SLC12A7: variants seen among roughly 807,000 people sequenced by gnomAD.
SLC12A7 encodes solute carrier family 12 member 7.
SLC12A7 carries 100 observed loss-of-function variants against 120.6 expected under a neutral mutation model. The ratio of observed to expected loss-of-function variants is 0.83; its 90% CI spans 0.71 to 0.98. The LOEUF (loss-of-function observed/expected upper bound fraction) is 0.98. SLC12A7 is among the 50% of genes least tolerant of loss of function. SLC12A7 has a pLI of 0.00. For missense variants in SLC12A7, 1,373 were observed against 1,548.1 expected (o/e 0.89, Z 1.90); for synonymous variants, 760 against 678.0 (o/e 1.12, Z -1.88).
At chr5:1,152,953 G>A in the SLC12A7 span, among the ~76,000 whole-genome samples, 11 of 152,232 alleles carry the variant, frequency 7.2e-5, no homozygotes, top group Non-Finnish European at 1.3e-4. Context: ...TTCCTGTGGC[G>A]CCCAACGCAT....
At chr5:1,108,774 A>T (rs971863039) in intron 1 of SLC12A7, among the ~76,000 whole-genome samples, 1 of 152,164 alleles carries the variant, frequency 6.6e-6, no homozygotes, top group African/African-American at 2.4e-5. Flanking sequence ...CCCAGGACAA[A>T]GCGGCAGCTC....
At chr5:1,098,230 C>T (rs1156911774) in intron 1 of SLC12A7, among the ~76,000 whole-genome samples, 2 of 104,398 alleles carry the variant, frequency 1.9e-5, no homozygotes, top group Non-Finnish European at 4.0e-5. Context: ...CCCTCTAACC[C>T]TCTGCACACC....
At chr5:1,136,491 C>T in the SLC12A7 span, among the ~76,000 whole-genome samples, 1 of 126,568 alleles carries the variant, frequency 7.9e-6, no homozygotes, top group South Asian at 2.6e-4. Context: ...CACCAGGACA[C>T]GCAGGCACAC....
At position 1,067,945 on chromosome 5, in the gene SLC12A7, C is replaced by G. The variant is rs183991219; in HGVS notation, c.2242-2467G>C. Among the ~76,000 whole-genome samples the G allele has an allele frequency of 1.2e-4, 18 of 149,772 alleles. No individual in the cohort carries two copies. In the East Asian group the frequency reaches 3.6e-3, roughly 30 times the overall value. ...CCCCGCACCTGCCCGGCGCAGCAGT[C>G]GCAGAGGCCTCCGTGCAGACAGACC... On this transcript the variant is annotated intron_variant, in intron 17 of 23. Coordinates refer to ENST00000264930, the MANE Select transcript of SLC12A7 (RefSeq NM_006598.3).
At chr5:1,100,184 T>C (rs117286240) in intron 1 of SLC12A7, among the ~76,000 whole-genome samples, 4,221 of 152,220 alleles carry the variant, frequency 0.028, 284 homozygotes, top group East Asian at 0.21. Flanking sequence ...ACGAAGCCCG[T>C]GAATCATCCA....
rs1447704974 is a variant in SLC12A7 at position 1,050,918 on chromosome 5, ATGGGGCTGATTCCCT to A, written c.*1427_*1441del. 2 of 398,522 alleles carry A rather than the reference ATGGGGCTGATTCCCT, an allele frequency of 5.0e-6. No homozygotes were observed. The highest frequency in any genetic ancestry group is 4.1e-5 in the African/African-American group (2 of 48,622). The allele number at this position is 398,522 out of a possible 1,614,324, so 24.7% of individuals were successfully genotyped here. A position where few individuals can be genotyped will look rare whatever the true frequency, so the allele number is the denominator to read the frequency against. The stretch of plus-strand genomic sequence containing the variant: ...CTCTGCCCCGATTTGAACTTTGTTG[ATGGGGCTGATTCCCT>A]TGGGAGACCATGCAAGCCAGACGTA... On this transcript the variant is annotated 3_prime_UTR_variant, in exon 24 of 24. Transcript: ENST00000264930.
At chr5:1,056,199 G>A (rs1735589515) in intron 22 of SLC12A7, among the ~76,000 whole-genome samples, 1 of 152,262 alleles carries the variant, frequency 6.6e-6, no homozygotes, top group Non-Finnish European at 1.5e-5. Context: ...AGGCATTCCA[G>A]GTGGGAACGC....
In SLC12A7 at chr5:1,057,592, G is replaced by A. The variant is rs772085489; in HGVS notation, c.2905C>T (p.Gln969Ter). 1.2e-6 allele frequency: 2 copies of A among 1,610,584 alleles called. No homozygotes were observed. Among genetic ancestry groups the A allele is most frequent in the Non-Finnish European group, 1.7e-6 (2 of 1,179,926 alleles). The change falls in exon 22 of 24, where the codon CAA becomes TAA. Residue 969 changes from glutamine to a stop codon, truncating the protein, a stop_gained. Transcript: ENST00000264930. LOFTEE classifies it high-confidence loss of function. Reference sequence around the variant, plus strand: ...ACCTTGTCTGGCGTAGGCGGCGCTTGGGTCCTGGCTGCCGCCGCGGTGTGG... The same window carrying A: ...ACCTTGTCTGGCGTAGGCGGCGCTTAGGTCCTGGCTGCCGCCGCGGTGTGG... ...ASHTAAAARTQAPPTPDKVQM... is the reference protein window; with the variant it reads ...ASHTAAAART
chr5:1,074,782 G>A (rs1006729630), intron 15 of SLC12A7, 111 bp from the exon 16 acceptor site: 20 of 999,260 alleles, frequency 2.0e-5, no homozygotes, highest in African/African-American at 1.4e-4. Context: ...GGACCCCCAG[G>A]AAAAGTCCCT....
chr5:1,063,539 C>T (rs192675944), intron 20 of SLC12A7, among the ~76,000 whole-genome samples: 61 of 152,254 alleles, frequency 4.0e-4, no homozygotes, highest in African/African-American at 1.2e-3. Context: ...GATGTCCTGG[C>T]GATTCCAAAA....
the SLC12A7 span, among the ~76,000 whole-genome samples, chr5:1,150,797 C>G: frequency 6.6e-6 from 1 of 152,250 alleles, no homozygotes; most frequent in Non-Finnish European, 1.5e-5. Context: ...AAAACAGAGC[C>G]TGCCCCGTGG....
At position 1,065,240 on chromosome 5, in the gene SLC12A7, G is replaced by T. The variant is rs1736911525; in HGVS notation, c.2437+43C>A. ...CGAGGGGACACTGAGAGGACACAGA[G>T]GGGACGGTGAGGGGATGCCGAAGGG... On this transcript the variant is annotated intron_variant, in intron 18 of 23. Transcript: ENST00000264930. 5 of 1,426,258 alleles carry T rather than the reference G, an allele frequency of 3.5e-6. No homozygotes were observed. The East Asian group carries it at 1.2e-4, about 34-fold the overall frequency. The allele number at this position is 1,426,258 out of a possible 1,614,324, so 88.4% of individuals were successfully genotyped here.
At chr5:1,149,831 C>G in the SLC12A7 span, among the ~76,000 whole-genome samples, 1 of 152,140 alleles carries the variant, frequency 6.6e-6, no homozygotes, top group Non-Finnish European at 1.5e-5. Context: ...GAGTTTGAGA[C>G]CAGCCTGGCC....
chr5:1,088,283 C>A (rs1041135660), intron 5 of SLC12A7, 23 bp downstream of exon 5: 7 of 1,574,780 alleles, frequency 4.4e-6, no homozygotes, highest in Non-Finnish European at 6.0e-6. Flanking sequence ...GACTCAGGGC[C>A]GCGGCTGGCG....
At chr5:1,141,657 T>C in the SLC12A7 span, among the ~76,000 whole-genome samples, 3 of 152,226 alleles carry the variant, frequency 2.0e-5, no homozygotes, top group Non-Finnish European at 2.9e-5. Context: ...TAAAATTTTT[T>C]TTAAAAAATG....
At chr5:1,112,080 G>A (rs999265200), upstream of SLC12A7, 6 of 1,179,650 alleles carry the variant, frequency 5.1e-6, no homozygotes, top group Non-Finnish European at 6.3e-6. Flanking sequence ...CAGGGGCGGG[G>A]TCCGACCGAG....
chr5:1,052,775 G>A (rs1250188986), intron 23 of SLC12A7, among the ~76,000 whole-genome samples: 2 of 152,188 alleles, frequency 1.3e-5, no homozygotes, highest in African/African-American at 2.4e-5. Flanking sequence ...CAGCCTACAG[G>A]GGACCTGGGC....
At chr5:1,126,567 C>T in the SLC12A7 span, among the ~76,000 whole-genome samples, 1 of 152,098 alleles carries the variant, frequency 6.6e-6, no homozygotes, top group Non-Finnish European at 1.5e-5. Flanking sequence ...GTTTGTTGTA[C>T]AGATTATTTC....
At chr5:1,138,902 G>A in the SLC12A7 span, among the ~76,000 whole-genome samples, 1 of 152,220 alleles carries the variant, frequency 6.6e-6, no homozygotes. Flanking sequence ...CTTAACACAT[G>A]CTGGGTCCTA....
Sources: allele counts gnomAD v4.1 joint callset (sites outside exome capture counted in the v4.1 genomes callset), GRCh38; gene constraint gnomAD v4.1.1; transcripts MANE v1.5; gene names NCBI Gene and HGNC (gene_info 2026-07-23, HGNC 2026-07-21).